The following CPNE2 variants were observed in gnomAD, a reference collection of about 807,000 sequenced individuals.
CPNE2 encodes copine-2.
In CPNE2, 42 loss-of-function variants were observed where a neutral mutation model predicts 69.7. That is an observed-to-expected ratio of 0.60 (90% CI 0.47 to 0.78). CPNE2 has a LOEUF of 0.78. CPNE2 is among the 30% of genes least tolerant of loss of function. The probability of loss-of-function intolerance (pLI) is 0.00; values close to 1 mark genes in which losing one functional copy is unlikely to be tolerated. For missense variants in CPNE2, 587 were observed against 732.0 expected, an observed-to-expected ratio of 0.80 and a Z score of 2.29; for synonymous variants, 294 against 289.8, an observed-to-expected ratio of 1.01 and a Z score of -0.15.
intron 1 of CPNE2, among the ~76,000 whole-genome samples, chr16:57,100,511 A>G (rs1259988499): frequency 6.6e-6 from 1 of 152,226 alleles, no homozygotes; most frequent in Non-Finnish European, 1.5e-5. Flanking sequence ...GGATGAGAAA[A>G]CTAAACTGAG....
At position 57,125,970 on chromosome 16, in the gene CPNE2, G is replaced by T. The variant is rs767721335; in HGVS notation, c.1038G>T (p.Gly346=). ...NEYLSAIWAV[G]QIIQDYDSDK... is the part of the protein sequence containing the mutation. ...ATCTGTCGGCCATCTGGGCTGTTGG[G>T]CAGATCATTCAGGACTACGACAGGT... Residue 346 remains glycine (G), a synonymous_variant, in exon 11 of 16, where the codon GGG becomes GGT. Transcript: ENST00000290776. 5.0e-6 allele frequency: 8 copies of T among 1,614,190 alleles called. No homozygotes were observed. The highest frequency in any genetic ancestry group is 6.8e-6 in the Non-Finnish European group (8 of 1,180,038).
Position 57,114,444 on chromosome 16 carries a change from C to A in CPNE2, c.360+977C>A, listed in dbSNP as rs182033029. ...GGAGAAGCTCCCATCAAACGGGGGC[C>A]CCCACCTCTCACGCCACCTGCTCTC... On this transcript the variant is annotated intron_variant, in intron 3 of 15. Transcript: ENST00000290776. Among the ~76,000 whole-genome samples the A allele has an allele frequency of 2.0e-4, 31 of 152,228 alleles. No homozygotes were observed. The East Asian group carries it at 5.2e-3, about 26-fold the overall frequency.
chr16:57,135,896 G>A, intron 13 of CPNE2, among the ~76,000 whole-genome samples: 2 of 142,074 alleles, frequency 1.4e-5, no homozygotes, highest in Non-Finnish European at 1.5e-5. Flanking sequence ...AAAAAAGGAA[G>A]GAGAAAAGAG....
At chr16:57,103,782 C>T (rs879722975) in intron 1 of CPNE2, among the ~76,000 whole-genome samples, 5 of 152,230 alleles carry the variant, frequency 3.3e-5, no homozygotes, top group Admixed American at 6.5e-5. Flanking sequence ...GGTTCTACAT[C>T]GCGGTGGGGC....
chr16:57,140,212 C>T (rs1264430316), intron 14 of CPNE2, among the ~76,000 whole-genome samples: 1 of 144,472 alleles, frequency 6.9e-6, no homozygotes, highest in African/African-American at 2.4e-5. Flanking sequence ...CTCTTGTTGC[C>T]CAGGCTGGAG....
intron 1 of CPNE2, among the ~76,000 whole-genome samples, chr16:57,093,394 G>A (rs2069557204): frequency 6.6e-6 from 1 of 152,158 alleles, no homozygotes. Flanking sequence ...AGGGGGTGTG[G>A]GGGTGGGCAT....
At chr16:57,093,441 C>G (rs1417692414) in intron 1 of CPNE2, among the ~76,000 whole-genome samples, 8 of 152,276 alleles carry the variant, frequency 5.3e-5, no homozygotes, top group East Asian at 3.9e-4. Context: ...TCTTATTCCC[C>G]GTTTCTCACA....
intron 1 of CPNE2, among the ~76,000 whole-genome samples, chr16:57,097,220 C>A (rs1376967555): frequency 1.3e-5 from 2 of 152,162 alleles, no homozygotes. Flanking sequence ...ATGACATTTT[C>A]CACTCTCTGA....
At chr16:57,129,570 C>T (rs982652729) in intron 12 of CPNE2, among the ~76,000 whole-genome samples, 1 of 152,146 alleles carries the variant, frequency 6.6e-6, no homozygotes, top group Non-Finnish European at 1.5e-5. Flanking sequence ...ATAATCCCAG[C>T]ACTTTGGGAC....
In CPNE2 at chr16:57,118,167, CTT is replaced by C. The variant is rs375042587; in HGVS notation, c.507+615_507+616del. On this transcript the variant is annotated intron_variant, in intron 5 of 15. Coordinates refer to ENST00000290776, the MANE Select transcript of CPNE2 (RefSeq NM_152727.6). ...TATTACTGTCTAGCATACTTTCTTT[CTT>C]TTTTTTTTTTTTTTGAGACAGAGTC... Among the ~76,000 whole-genome samples the C allele has an allele frequency of 6.5e-4, 88 of 135,870 alleles. No homozygotes were observed. The South Asian group carries it at 9.6e-3, about 15-fold the overall frequency. The allele number at this position is 135,870 out of a possible 152,430, so 89.1% of individuals were successfully genotyped here.
intron 10 of CPNE2, chr16:57,124,483 A>T: frequency 2.4e-6 from 1 of 414,548 alleles, no homozygotes; most frequent in Non-Finnish European, 4.9e-6. Context: ...AGTGCTTTTA[A>T]GTGTGGGCAC....
chr16:57,119,194 G>C lies in CPNE2; in HGVS notation c.508-1G>C, dbSNP rs2069742510. On this transcript the variant is annotated splice_acceptor_variant, in intron 5 of 15. Transcript: ENST00000290776. LOFTEE classifies it high-confidence loss of function. The stretch of plus-strand genomic sequence containing the variant: ...CACCCGCATCCTCCCACTTCTCCCA[G>C]GACCTCTTTGGGAAGTCAGACCCCT... The C allele has an allele frequency of 1.2e-6, 2 of 1,613,768 alleles. No homozygotes were observed. Among genetic ancestry groups the C allele is most frequent in the Non-Finnish European group, 1.7e-6 (2 of 1,179,850 alleles).
chr16:57,128,070 C>A lies in CPNE2; in HGVS notation c.1116+167C>A, dbSNP rs575703617. On this transcript the variant is annotated intron_variant, in intron 12 of 15. Transcript: ENST00000290776. ...CTCAAGCCTGATCCTTGGGCAGGCA[C>A]TGAGGCTGTAACGGGGCAGCACGTT... Among the ~76,000 whole-genome samples the A allele has an allele frequency of 3.3e-5, 5 of 152,264 alleles. No homozygotes were observed. In the East Asian group the frequency reaches 9.6e-4, roughly 29 times the overall value.
At position 57,092,619 on chromosome 16, in the gene CPNE2, G is replaced by T. The variant is rs2069550785; in HGVS notation, c.-207G>T. The T allele has an allele frequency of 6.7e-6, 1 of 148,872 alleles. No individual in the cohort carries two copies. The highest frequency in any genetic ancestry group is 1.5e-5 in the Non-Finnish European group (1 of 66,576). The allele number at this position is 148,872 out of a possible 1,614,324, so 9.2% of individuals were successfully genotyped here. The stretch of plus-strand genomic sequence containing the variant: ...CGGCCCGGGAGGAGGACCGGACCCC[G>T]AGCGGCTGGGAGCGCACGCGAGCGG... On this transcript the variant is annotated 5_prime_UTR_variant, in exon 1 of 16. Coordinates refer to ENST00000290776, the MANE Select transcript of CPNE2 (RefSeq NM_152727.6). This position sits in a 1 kb window ranked among gnomAD's most constrained non-coding sequence, Gnocchi z 5.3.
At chr16:57,126,416 T>A (rs1392093679) in intron 11 of CPNE2, among the ~76,000 whole-genome samples, 1 of 152,142 alleles carries the variant, frequency 6.6e-6, no homozygotes, top group African/African-American at 2.4e-5. Context: ...TCCCTAATGG[T>A]CTCGCTTCTA....
At chr16:57,137,319 C>T (rs2069889862) in intron 14 of CPNE2, 37 bp downstream of exon 14, 2 of 1,611,872 alleles carry the variant, frequency 1.2e-6, no homozygotes, top group African/African-American at 1.3e-5. Context: ...TGCCAGGAAA[C>T]ACGCACGTCC....
intron 14 of CPNE2, among the ~76,000 whole-genome samples, chr16:57,139,090 ATTATTTCTCAAAT>A (rs1489963668): frequency 6.6e-6 from 1 of 152,224 alleles, no homozygotes; most frequent in East Asian, 1.9e-4. Context: ...CCGGACTTTT[ATTATTTCTCAAAT>A]CAGTCTCCCC....
At chr16:57,137,816 T>A (rs140761257) in intron 14 of CPNE2, among the ~76,000 whole-genome samples, 372 of 152,224 alleles carry the variant, frequency 2.4e-3, no homozygotes, top group African/African-American at 8.4e-3. Context: ...TCCCTTCCCT[T>A]CTCCCGCCCC....
chr16:57,134,081 C>T (rs2069858562), intron 12 of CPNE2, among the ~76,000 whole-genome samples: 1 of 152,196 alleles, frequency 6.6e-6, no homozygotes, highest in African/African-American at 2.4e-5. Context: ...ACCCCGAAGC[C>T]ATGCGAGCAG....
Sources: gnomAD v4.1 joint callset for allele counts (sites outside exome capture counted in the v4.1 genomes callset) on GRCh38, gnomAD v4.1.1 for gene constraint, Gnocchi (gnomAD v3.1) non-coding constraint, MANE v1.5 for transcripts, NCBI Gene and HGNC (gene_info 2026-07-23, HGNC 2026-07-21) for gene names.